CPPED1: variants seen among roughly 807,000 people sequenced by gnomAD.
The protein encoded by CPPED1 is serine/threonine-protein phosphatase CPPED1.
In CPPED1, 28 loss-of-function variants were observed where a neutral mutation model predicts 28.0. The ratio of observed to expected loss-of-function variants is 1.00; its 90% CI spans 0.74 to 1.37. The LOEUF (loss-of-function observed/expected upper bound fraction) is 1.37, where lower values mean the gene tolerates loss of function less well. CPPED1 is among the 40% of genes most tolerant of loss of function. The pLI is 0.00. For synonymous variants in CPPED1, 198 were observed against 180.2 expected, an observed-to-expected ratio of 1.10 and a Z score of -0.79; for missense variants, 504 against 416.5, an observed-to-expected ratio of 1.21 and a Z score of -1.83.
At chr16:12,712,169 T>G (rs988971011) in intron 2 of CPPED1, among the ~76,000 whole-genome samples, 13 of 152,202 alleles carry the variant, frequency 8.5e-5, no homozygotes, top group Non-Finnish European at 1.5e-5. Context: ...GATGAGACAG[T>G]GCTTAGGCCC....
At chr16:12,771,830 C>T (rs1045543969) in intron 2 of CPPED1, among the ~76,000 whole-genome samples, 10 of 152,160 alleles carry the variant, frequency 6.6e-5, no homozygotes, top group Non-Finnish European at 1.2e-4. Context: ...AATTAGAAAC[C>T]TCCCAGTGGG....
chr16:12,689,321 G>C (rs1265457406), intron 3 of CPPED1, among the ~76,000 whole-genome samples: 1 of 148,642 alleles, frequency 6.7e-6, no homozygotes, highest in Admixed American at 6.8e-5. Context: ...CGAATTTATG[G>C]GCTCAAGAGA....
chr16:12,672,046 G>C (rs2079855446), intron 3 of CPPED1, among the ~76,000 whole-genome samples: 1 of 152,218 alleles, frequency 6.6e-6, no homozygotes, highest in East Asian at 1.9e-4. Flanking sequence ...ATGGTTTGCA[G>C]TCTAGGAGCC....
intron 2 of CPPED1, chr16:12,757,938 T>G (rs1286760246): frequency 6.6e-6 from 1 of 151,774 alleles, no homozygotes; most frequent in African/African-American, 2.4e-5. Flanking sequence ...AACACATTAT[T>G]GAGGCAAATC....
At chr16:12,747,305 A>T (rs1162283211) in intron 2 of CPPED1, among the ~76,000 whole-genome samples, 1 of 151,982 alleles carries the variant, frequency 6.6e-6, no homozygotes, top group Non-Finnish European at 1.5e-5. Context: ...AATGACTGGC[A>T]TCTGTAGTCC....
chr16:12,795,337 G>A (rs573157439), intron 1 of CPPED1, among the ~76,000 whole-genome samples: 1 of 152,158 alleles, frequency 6.6e-6, no homozygotes, highest in Admixed American at 6.5e-5. Flanking sequence ...GCCACCTGGT[G>A]TAGTCATGCA....
intron 2 of CPPED1, among the ~76,000 whole-genome samples, chr16:12,721,584 C>T (rs1297059908): frequency 6.6e-6 from 1 of 151,924 alleles, no homozygotes; most frequent in Non-Finnish European, 1.5e-5. Context: ...GAAACCTCGT[C>T]CCTACTAAAA....
At chr16:12,698,699 G>A (rs886683316) in intron 3 of CPPED1, among the ~76,000 whole-genome samples, 13 of 152,098 alleles carry the variant, frequency 8.5e-5, no homozygotes, top group African/African-American at 1.9e-4. Context: ...CCAAAGTGCC[G>A]GGATTACAGG....
In CPPED1 at chr16:12,664,640, C is replaced by A; in HGVS notation, c.*246G>T. 7.6e-7 allele frequency: 1 copy of A among 1,321,532 alleles called. No homozygotes were observed. Among genetic ancestry groups the A allele is most frequent in the South Asian group, 1.8e-5 (1 of 56,098 alleles). The allele number at this position is 1,321,532 out of a possible 1,614,324, so 81.9% of individuals were successfully genotyped here. A position where few individuals can be genotyped will look rare whatever the true frequency, so the allele number is the denominator to read the frequency against. ...AGGAGAATTTATTCAAACATCCATG[C>A]AGAGATAGTCTAATATTTTAAAAAC... On this transcript the variant is annotated 3_prime_UTR_variant, in exon 4 of 4. Transcript: ENST00000381774. This position sits in a 1 kb window ranked among gnomAD's most constrained non-coding sequence, Gnocchi z 4.2.
intron 3 of CPPED1, among the ~76,000 whole-genome samples, chr16:12,680,706 G>C (rs1651006): frequency 0.88 from 133,405 of 152,088 alleles, 59,423 homozygotes; most frequent in African/African-American, 0.93. Flanking sequence ...AGGTTACGGA[G>C]TGCCTAAGCC....
chr16:12,771,741 A>G (rs1354527362), intron 2 of CPPED1, among the ~76,000 whole-genome samples: 3 of 152,230 alleles, frequency 2.0e-5, no homozygotes, highest in African/African-American at 7.2e-5. Flanking sequence ...AAAGGGCTTT[A>G]TTCTTTGCCT....
intron 3 of CPPED1, among the ~76,000 whole-genome samples, chr16:12,684,399 G>C (rs1007210071): frequency 5.3e-5 from 8 of 152,114 alleles, no homozygotes; most frequent in South Asian, 2.1e-4. Flanking sequence ...AGTAAAATTT[G>C]AGGGTTCTCC....
intron 2 of CPPED1, among the ~76,000 whole-genome samples, chr16:12,726,031 T>C (rs2141201585): frequency 6.6e-6 from 1 of 151,552 alleles, no homozygotes; most frequent in Admixed American, 6.6e-5. Flanking sequence ...ATCCCATCTC[T>C]AAAAAAGAAA....
intron 3 of CPPED1, among the ~76,000 whole-genome samples, chr16:12,695,854 C>T (rs1001253619): frequency 2.3e-4 from 35 of 152,184 alleles, no homozygotes; most frequent in Non-Finnish European, 1.3e-4. Flanking sequence ...GCCTGATTTA[C>T]GAATTATTCT....
At chr16:12,759,644 T>C (rs895583878) in intron 2 of CPPED1, among the ~76,000 whole-genome samples, 1 of 152,198 alleles carries the variant, frequency 6.6e-6, no homozygotes, top group Admixed American at 6.5e-5. Flanking sequence ...GATTGGATCA[T>C]GGGGTCGGGG....
At chr16:12,665,374 T>C (rs1032632143) in intron 3 of CPPED1, among the ~76,000 whole-genome samples, 2 of 152,052 alleles carry the variant, frequency 1.3e-5, no homozygotes, top group Admixed American at 6.5e-5. Flanking sequence ...TACAAAGACG[T>C]ACTAGGGAAG....
chr16:12,741,171 G>A (rs2080253300), intron 2 of CPPED1, among the ~76,000 whole-genome samples: 1 of 152,180 alleles, frequency 6.6e-6, no homozygotes, highest in African/African-American at 2.4e-5. Context: ...ATAGTGGGCA[G>A]GACGGCAGAG....
intron 1 of CPPED1, among the ~76,000 whole-genome samples, chr16:12,790,699 G>A (rs1443333785): frequency 1.3e-5 from 2 of 151,826 alleles, no homozygotes; most frequent in Non-Finnish European, 1.5e-5. Flanking sequence ...GTGGCGGGGC[G>A]GGGGTTGGAT....
intron 1 of CPPED1, among the ~76,000 whole-genome samples, chr16:12,785,618 G>T (rs2080558252): frequency 6.6e-6 from 1 of 151,946 alleles, no homozygotes; most frequent in African/African-American, 2.4e-5. Flanking sequence ...AGTAGAGACG[G>T]GGTTTCGCCA....
Sources: allele counts gnomAD v4.1 joint callset (sites outside exome capture counted in the v4.1 genomes callset), GRCh38; gene constraint gnomAD v4.1.1; non-coding constraint Gnocchi (gnomAD v3.1); transcripts MANE v1.5; gene names NCBI Gene and HGNC (gene_info 2026-07-23, HGNC 2026-07-21).